The following FMNL2 variants were observed in gnomAD, a reference collection of about 807,000 sequenced individuals.
FMNL2 encodes the protein formin like 2, also known as formin-like protein 2.
Under a neutral mutation model 130.2 loss-of-function variants are expected in FMNL2, and 51 were observed. The ratio of observed to expected loss-of-function variants is 0.39; its 90% CI spans 0.31 to 0.49. The LOEUF is 0.49. Ranked by LOEUF, FMNL2 falls within the 20% of genes least tolerant of loss-of-function variation. The pLI is 0.85. For synonymous variants in FMNL2, 465 were observed against 467.1 expected, an observed-to-expected ratio of 1.00 and a Z score of 0.06; for missense variants, 977 against 1,316.2, an observed-to-expected ratio of 0.74 and a Z score of 3.99.
rs538147374 is a variant in FMNL2, at chr2:152,500,617, G to A, written c.118-21326G>A. ...GTAATCCTAGCACTTGGAGGTCGAGGTCGGTGGATCACCTGAGGTCAGGAG... is the reference window on the plus strand; with the variant it reads ...GTAATCCTAGCACTTGGAGGTCGAGATCGGTGGATCACCTGAGGTCAGGAG... On this transcript the variant is annotated intron_variant, in intron 1 of 25. Coordinates refer to ENST00000288670, the MANE Select transcript of FMNL2 (RefSeq NM_052905.4). 1.1e-3 allele frequency among the ~76,000 whole-genome samples: 161 copies of A among 152,334 alleles called. 6 individuals are homozygous for A. The South Asian group carries it at 0.032, about 30-fold the overall frequency.
intron 25 of FMNL2, 124 bp downstream of exon 25, chr2:152,641,038 C>T: frequency 7.9e-7 from 1 of 1,261,594 alleles, no homozygotes; most frequent in Non-Finnish European, 1.1e-6. Flanking sequence ...ACTTTATTCA[C>T]ACCCAGAGTG....
At chr2:152,442,699 G>T (rs542383955) in intron 1 of FMNL2, among the ~76,000 whole-genome samples, 2 of 152,268 alleles carry the variant, frequency 1.3e-5, no homozygotes, top group South Asian at 2.1e-4. Context: ...ATACATAAAA[G>T]ATATCTACAA....
intron 1 of FMNL2, among the ~76,000 whole-genome samples, chr2:152,446,961 C>T (rs1688375429): frequency 6.6e-6 from 1 of 152,012 alleles, no homozygotes; most frequent in Admixed American, 6.6e-5. Flanking sequence ...AGTCATACCA[C>T]TGGAGTTCAT....
intron 3 of FMNL2, among the ~76,000 whole-genome samples, chr2:152,543,803 C>G (rs1274303579): frequency 7.3e-6 from 1 of 137,704 alleles, no homozygotes; most frequent in Non-Finnish European, 1.5e-5. Context: ...CTAGGCCTTT[C>G]TCTTACGGTT....
At chr2:152,555,170 T>A (rs534445825) in intron 4 of FMNL2, among the ~76,000 whole-genome samples, 1 of 152,156 alleles carries the variant, frequency 6.6e-6, no homozygotes, top group South Asian at 2.1e-4. Flanking sequence ...AAACAACTAA[T>A]GTCCTAATAT....
At chr2:152,571,067 G>A (rs759243381) in intron 6 of FMNL2, among the ~76,000 whole-genome samples, 3 of 152,138 alleles carry the variant, frequency 2.0e-5, no homozygotes, top group Non-Finnish European at 1.5e-5. Context: ...TTCCACAGTA[G>A]CCTTGAAAAC....
intron 1 of FMNL2, among the ~76,000 whole-genome samples, chr2:152,423,793 G>A (rs1190676473): frequency 6.6e-6 from 1 of 152,152 alleles, no homozygotes; most frequent in Non-Finnish European, 1.5e-5. Flanking sequence ...GGGGTTGGGG[G>A]TGTCTGTGTT....
chr2:152,581,896 C>T (rs1308711922), intron 9 of FMNL2, among the ~76,000 whole-genome samples: 2 of 152,102 alleles, frequency 1.3e-5, no homozygotes, highest in Non-Finnish European at 2.9e-5. Flanking sequence ...GATTAAGACC[C>T]GAGCTGGATT....
intron 6 of FMNL2, among the ~76,000 whole-genome samples, chr2:152,563,888 C>T (rs1020312530): frequency 2.0e-5 from 3 of 152,134 alleles, no homozygotes; most frequent in South Asian, 4.1e-4. Flanking sequence ...GGAGCAGCTT[C>T]AGTTTACATA....
chr2:152,421,160 G>C (rs1334682353), intron 1 of FMNL2, among the ~76,000 whole-genome samples: 1 of 151,254 alleles, frequency 6.6e-6, no homozygotes, highest in Non-Finnish European at 1.5e-5. Context: ...TTGTCAGTGG[G>C]TACAACACTT....
chr2:152,380,823 T>C (rs1337774559), intron 1 of FMNL2, among the ~76,000 whole-genome samples: 2 of 152,212 alleles, frequency 1.3e-5, no homozygotes, highest in Admixed American at 6.5e-5. Context: ...AGCTAGTGTC[T>C]GTAAGACCGT....
intron 9 of FMNL2, among the ~76,000 whole-genome samples, chr2:152,586,042 G>A (rs1697056358): frequency 6.6e-6 from 1 of 152,088 alleles, no homozygotes; most frequent in Admixed American, 6.5e-5. Flanking sequence ...GGGCTTTGAG[G>A]CACCAGCTCT....
At chr2:152,634,985 A>G (rs867429584) in intron 21 of FMNL2, among the ~76,000 whole-genome samples, 1 of 151,994 alleles carries the variant, frequency 6.6e-6, no homozygotes, top group African/African-American at 2.4e-5. Context: ...TCTTGGTCCA[A>G]CCACTGAGCT....
chr2:152,608,178 A>G (rs1363374083), intron 10 of FMNL2, among the ~76,000 whole-genome samples: 1 of 152,130 alleles, frequency 6.6e-6, no homozygotes, highest in African/African-American at 2.4e-5. Flanking sequence ...GGGAAATTCT[A>G]GACCCAGGAG....
intron 6 of FMNL2, among the ~76,000 whole-genome samples, chr2:152,573,977 T>C (rs1424217072): frequency 2.6e-5 from 4 of 152,202 alleles, no homozygotes; most frequent in Non-Finnish European, 5.9e-5. Context: ...TGTGTTAATG[T>C]TTGGGAAGTA....
intron 6 of FMNL2, among the ~76,000 whole-genome samples, chr2:152,564,513 G>C (rs4328591): frequency 0.33 from 50,328 of 151,960 alleles, 9,202 homozygotes; most frequent in East Asian, 0.56. Context: ...CTTGAAGTCA[G>C]GAGTTCGAGA....
chr2:152,365,767 T>G (rs1234488311), intron 1 of FMNL2, among the ~76,000 whole-genome samples: 1 of 151,960 alleles, frequency 6.6e-6, no homozygotes, highest in Admixed American at 6.6e-5. Context: ...AGCAAAACTC[T>G]GTCTCAAAAC....
chr2:152,364,434 T>C (rs1294737659), intron 1 of FMNL2, among the ~76,000 whole-genome samples: 2 of 152,186 alleles, frequency 1.3e-5, no homozygotes, highest in Non-Finnish European at 2.9e-5. Context: ...CTTAAGTCTT[T>C]ATTGCCTGCC....
At chr2:152,371,242 T>G (rs59388039) in intron 1 of FMNL2, among the ~76,000 whole-genome samples, 36,562 of 152,094 alleles carry the variant, frequency 0.24, 4,770 homozygotes, top group African/African-American at 0.34. Flanking sequence ...ACAAGGGCAT[T>G]AATATCAATT....
Sources: gnomAD v4.1 joint callset for allele counts (sites outside exome capture counted in the v4.1 genomes callset) on GRCh38, gnomAD v4.1.1 for gene constraint, MANE v1.5 for transcripts, NCBI Gene and HGNC (gene_info 2026-07-23, HGNC 2026-07-21) for gene names.